The following SATL1 variants were observed in gnomAD, a reference collection of about 807,000 sequenced individuals.
SATL1 encodes spermidine/spermine N(1)-acetyltransferase-like protein 1.
Under a neutral mutation model 51.8 loss-of-function variants are expected in SATL1, and 47 were observed. The ratio of observed to expected loss-of-function variants is 0.91; its 90% CI spans 0.72 to 1.16. The LOEUF (loss-of-function observed/expected upper bound fraction) is 1.16. Among genes scored for constraint, SATL1 ranks in the 50% most tolerant of loss-of-function variants. SATL1 has a pLI of 0.00. For missense variants in SATL1, 520 were observed against 526.4 expected (o/e 0.99, Z 0.12); for synonymous variants, 176 against 182.4 (o/e 0.97, Z 0.28).
chrX:85,126,526 A>C (rs373776954), intron 2 of SATL1, among the ~76,000 whole-genome samples: 8 of 111,491 alleles, frequency 7.2e-5, no homozygotes, highest in East Asian at 5.7e-4. Context: ...GAGTTTGTGC[A>C]TTTTACCACT....
chrX:85,094,882 C>G (rs1924651631), intron 5 of SATL1, 34 bp downstream of exon 5: 1 of 892,618 alleles, frequency 1.1e-6, no homozygotes, highest in East Asian at 3.1e-5. Context: ...AAAATATACT[C>G]CAGATTGAAC....
intron 4 of SATL1, among the ~76,000 whole-genome samples, chrX:85,102,762 A>C (rs757506675): frequency 2.9e-4 from 32 of 111,414 alleles, no homozygotes; most frequent in Non-Finnish European, 5.1e-4. Context: ...TCTTATCCAA[A>C]ATTCTTGGGA....
At chrX:85,184,280 C>T (rs758430205) in intron 2 of SATL1, among the ~76,000 whole-genome samples, 48 of 111,356 alleles carry the variant, frequency 4.3e-4, no homozygotes, top group African/African-American at 1.5e-3. Flanking sequence ...CCTTTAGGGG[C>T]TTGATCACTA....
intron 2 of SATL1, among the ~76,000 whole-genome samples, chrX:85,146,323 A>G (rs1003442112): frequency 8.9e-6 from 1 of 112,003 alleles, no homozygotes; most frequent in Non-Finnish European, 1.9e-5. Context: ...TTTAAAAATA[A>G]TTAAGAGTAT....
chrX:85,163,604 G>T (rs1428770935), intron 2 of SATL1, among the ~76,000 whole-genome samples: 2 of 110,998 alleles, frequency 1.8e-5, no homozygotes, highest in Non-Finnish European at 3.8e-5. Flanking sequence ...TTCCAATTTT[G>T]TCCCACTCTG....
intron 1 of SATL1, among the ~76,000 whole-genome samples, chrX:85,227,738 CATAAG>C (rs1288426302): frequency 3.6e-5 from 4 of 111,524 alleles, no homozygotes; most frequent in African/African-American, 1.3e-4. Context: ...TTAAAAGTGA[CATAAG>C]AGACACATCA....
intron 2 of SATL1, chrX:85,210,141 T>A (rs1194181329): frequency 4.9e-5 from 5 of 102,347 alleles, no homozygotes; most frequent in Non-Finnish European, 9.9e-5. Context: ...CTTCACTAAC[T>A]AGCTGCTGGT....
chrX:85,103,126 A>G (rs1487499011), intron 4 of SATL1, among the ~76,000 whole-genome samples: 2 of 111,816 alleles, frequency 1.8e-5, no homozygotes, highest in Non-Finnish European at 3.8e-5. Flanking sequence ...ATCACATAAG[A>G]CAACTGATCC....
At chrX:85,147,174 C>T (rs1283797683) in intron 2 of SATL1, among the ~76,000 whole-genome samples, 1 of 114,750 alleles carries the variant, frequency 8.7e-6, no homozygotes, top group Non-Finnish European at 1.9e-5. Flanking sequence ...TTATATCCCA[C>T]ACCTGGCTCA....
At chrX:85,216,285 C>T (rs1210912695) in intron 2 of SATL1, among the ~76,000 whole-genome samples, 1 of 111,060 alleles carries the variant, frequency 9.0e-6, no homozygotes, top group Non-Finnish European at 1.9e-5. Context: ...CTAGGCCCCA[C>T]CTCCAACACT....
intron 2 of SATL1, among the ~76,000 whole-genome samples, chrX:85,176,005 G>T (rs1927074361): frequency 9.0e-6 from 1 of 111,109 alleles, no homozygotes; most frequent in Admixed American, 9.7e-5. Context: ...CCAAACAAAA[G>T]ATATCCAGGA....
intron 2 of SATL1, among the ~76,000 whole-genome samples, chrX:85,120,368 G>T (rs1925477864): frequency 8.9e-6 from 1 of 111,851 alleles, no homozygotes; most frequent in Non-Finnish European, 1.9e-5. Context: ...TACTTCCAAT[G>T]AAGAAGTGAT....
At chrX:85,236,430 G>A (rs1410850629) in intron 1 of SATL1, among the ~76,000 whole-genome samples, 2 of 111,054 alleles carry the variant, frequency 1.8e-5, no homozygotes, top group African/African-American at 6.5e-5. Context: ...GAAAATTGAT[G>A]CAAAAATCCT....
At chrX:85,168,360 A>G (rs968370618) in intron 2 of SATL1, among the ~76,000 whole-genome samples, 1 of 111,593 alleles carries the variant, frequency 9.0e-6, no homozygotes, top group Non-Finnish European at 1.9e-5. Context: ...ACACGACATG[A>G]TCCTATATCT....
At chrX:85,093,082 G>C (rs1481287487) in intron 7 of SATL1, 103 bp downstream of exon 7, 1 of 785,519 alleles carries the variant, frequency 1.3e-6, no homozygotes, top group Non-Finnish European at 1.8e-6. Context: ...TATATGTTGG[G>C]GTTATGTTCA....
At chrX:85,221,391 C>A (rs1042224498) in intron 2 of SATL1, among the ~76,000 whole-genome samples, 1 of 111,837 alleles carries the variant, frequency 8.9e-6, no homozygotes, top group African/African-American at 3.3e-5. Flanking sequence ...ATGAGGAAAT[C>A]GAGGCTTTAG....
chrX:85,156,530 C>CA (rs1321029434), intron 2 of SATL1: 1 of 109,892 alleles, frequency 9.1e-6, no homozygotes, highest in African/African-American at 3.3e-5. Context: ...TCAGAGACAA[C>CA]AAAATGAGAT....
intron 2 of SATL1, among the ~76,000 whole-genome samples, chrX:85,163,975 T>G (rs1467448546): frequency 1.8e-5 from 2 of 112,161 alleles, no homozygotes; most frequent in Non-Finnish European, 3.8e-5. Flanking sequence ...GACTGTGATA[T>G]TTTCCTGTTG....
intron 2 of SATL1, among the ~76,000 whole-genome samples, chrX:85,168,365 A>G (rs1190551542): frequency 9.0e-6 from 1 of 111,652 alleles, no homozygotes; most frequent in Non-Finnish European, 1.9e-5. Flanking sequence ...ACATGATCCT[A>G]TATCTATAAA....
Sources: gnomAD v4.1 joint callset for allele counts (sites outside exome capture counted in the v4.1 genomes callset) on GRCh38, gnomAD v4.1.1 for gene constraint, MANE v1.5 for transcripts, NCBI Gene and HGNC (gene_info 2026-07-23, HGNC 2026-07-21) for gene names.